The following CCBE1 variants were observed in gnomAD, a reference collection of about 807,000 sequenced individuals.
The protein encoded by CCBE1 is collagen and calcium binding EGF domains 1.
Under a neutral mutation model 50.0 loss-of-function variants are expected in CCBE1, and 37 were observed. The observed-to-expected ratio is 0.74, with a 90% CI of 0.57 to 0.97. The LOEUF (loss-of-function observed/expected upper bound fraction) is 0.97, where lower values mean the gene tolerates loss of function less well. CCBE1 is among the 50% of genes least tolerant of loss of function. The pLI is 0.00. For missense variants in CCBE1, 538 were observed against 523.8 expected (o/e 1.03, Z -0.26); for synonymous variants, 234 against 203.7 (o/e 1.15, Z -1.27).
At chr18:59,527,716 A>T (rs936301906) in intron 2 of CCBE1, among the ~76,000 whole-genome samples, 1 of 152,206 alleles carries the variant, frequency 6.6e-6, no homozygotes, top group African/African-American at 2.4e-5. Flanking sequence ...TATCTAAAAA[A>T]TACTTTATTT....
intron 2 of CCBE1, among the ~76,000 whole-genome samples, chr18:59,574,654 T>A (rs2052965787): frequency 6.6e-6 from 1 of 152,226 alleles, no homozygotes; most frequent in African/African-American, 2.4e-5. Context: ...GTAACTTTCA[T>A]GAAGCAGATT....
chr18:59,455,010 G>C, intron 5 of CCBE1, 59 bp from the exon 6 acceptor site: 1 of 1,379,806 alleles, frequency 7.2e-7, no homozygotes. Flanking sequence ...CAGACCCAGA[G>C]AGACAGCATC....
At chr18:59,680,727 A>G (rs1006637705) in intron 2 of CCBE1, among the ~76,000 whole-genome samples, 7 of 152,044 alleles carry the variant, frequency 4.6e-5, no homozygotes, top group Non-Finnish European at 8.8e-5. Context: ...AAAACAAAAC[A>G]AAACAAAACA....
intron 2 of CCBE1, among the ~76,000 whole-genome samples, chr18:59,613,865 T>TG (rs2053603399): frequency 5.1e-5 from 5 of 97,732 alleles, no homozygotes; most frequent in African/African-American, 3.2e-4. Context: ...TCTGATGGGT[T>TG]TTTTTTTTTT....
rs777317997 is a variant in CCBE1, at chr18:59,697,372, C to G, written c.-30G>C. 3.4e-5 allele frequency: 52 copies of G among 1,541,182 alleles called. No homozygotes were observed. The highest frequency in any genetic ancestry group is 4.0e-5 in the Non-Finnish European group (46 of 1,145,712). ...GAAGCTCCCGGCTTCTTCCCAGCGC[C>G]GAGCTCCGTCCGGACCAAGCGTCCT... is the stretch of plus-strand genomic sequence containing the variant. On this transcript the variant is annotated 5_prime_UTR_variant, in exon 1 of 11. Transcript: ENST00000439986.
At chr18:59,682,925 G>A (rs1568271654) in intron 2 of CCBE1, among the ~76,000 whole-genome samples, 2 of 152,058 alleles carry the variant, frequency 1.3e-5, no homozygotes, top group East Asian at 3.9e-4. Context: ...TTCTTCTTGT[G>A]CCCCCCCTTC....
Position 59,439,681 on chromosome 18 carries a change from G to A in CCBE1, c.911C>T (p.Pro304Leu). ...LSHIKQGRRG[P>L]VGPPGAPGRD... ...GATCTCTGATAAGATACTGACCACA[G>A]GGCCCCTCCGGCCTTGCTTAATGTG... Residue 304 changes from proline to leucine, a missense_variant, in exon 8 of 11, where the codon CCT (proline) becomes CTT (leucine). Coordinates refer to ENST00000439986, the MANE Select transcript of CCBE1 (RefSeq NM_133459.4). 1 of 1,614,226 alleles carries A rather than the reference G, an allele frequency of 6.2e-7. No individual in the cohort carries two copies.
At chr18:59,633,743 T>TA (rs1443060640) in intron 2 of CCBE1, among the ~76,000 whole-genome samples, 6 of 151,068 alleles carry the variant, frequency 4.0e-5, no homozygotes, top group African/African-American at 1.2e-4. Flanking sequence ...TTTTTTTTTT[T>TA]TAAAATAAAA....
intron 2 of CCBE1, among the ~76,000 whole-genome samples, chr18:59,591,441 T>G (rs895721907): frequency 6.6e-6 from 1 of 152,090 alleles, no homozygotes; most frequent in Admixed American, 6.6e-5. Flanking sequence ...TATCACAAAT[T>G]AAAGGCTGAT....
At chr18:59,695,463 C>T (rs1022371392) in intron 2 of CCBE1, among the ~76,000 whole-genome samples, 2 of 152,198 alleles carry the variant, frequency 1.3e-5, no homozygotes, top group African/African-American at 4.8e-5. Flanking sequence ...GGAGCCTTTC[C>T]TAAGCCCAAG....
chr18:59,608,379 T>TTA (rs1397061809), intron 2 of CCBE1, among the ~76,000 whole-genome samples: 1 of 152,174 alleles, frequency 6.6e-6, no homozygotes, highest in African/African-American at 2.4e-5. Flanking sequence ...ATGTCAGAGA[T>TTA]TATTTAAGAA....
At chr18:59,525,297 C>A (rs539685742) in intron 2 of CCBE1, among the ~76,000 whole-genome samples, 10 of 152,088 alleles carry the variant, frequency 6.6e-5, no homozygotes, top group Admixed American at 2.0e-4. Context: ...TATCTCATTG[C>A]GGTTTTGATT....
At chr18:59,614,101 G>A (rs941758192) in intron 2 of CCBE1, among the ~76,000 whole-genome samples, 17 of 152,074 alleles carry the variant, frequency 1.1e-4, no homozygotes, top group African/African-American at 3.9e-4. Context: ...TGCCTCGAAG[G>A]TTCAAGAGAT....
intron 2 of CCBE1, among the ~76,000 whole-genome samples, chr18:59,671,889 T>C (rs1380278640): frequency 6.6e-6 from 1 of 151,722 alleles, no homozygotes; most frequent in Non-Finnish European, 1.5e-5. Flanking sequence ...CTGGCTCTAG[T>C]GGCAATAACA....
At position 59,635,770 on chromosome 18, in the gene CCBE1, T is replaced by C. The variant is rs557592249; in HGVS notation, c.212+60859A>G. Among the ~76,000 whole-genome samples, 45 of 150,568 alleles carry C rather than the reference T, an allele frequency of 3.0e-4. 1 individual carries two copies. Among genetic ancestry groups the C allele is most frequent in the African/African-American group, 1.1e-3 (44 of 41,062 alleles). ...AAAAGCTCAAGATAGGAAAGTAAAA[T>C]AAAGGCAGCAGCTGCATAGAAAAAG... On this transcript the variant is annotated intron_variant, in intron 2 of 10. Coordinates refer to ENST00000439986, the MANE Select transcript of CCBE1 (RefSeq NM_133459.4).
chr18:59,606,105 G>A (rs1013439960), intron 2 of CCBE1, among the ~76,000 whole-genome samples: 1 of 152,160 alleles, frequency 6.6e-6, no homozygotes, highest in Non-Finnish European at 1.5e-5. Context: ...AACAAGTCAT[G>A]TTTTCTTAGT....
chr18:59,573,835 T>C (rs572638583), intron 2 of CCBE1, among the ~76,000 whole-genome samples: 2 of 152,338 alleles, frequency 1.3e-5, no homozygotes, highest in African/African-American at 4.8e-5. Flanking sequence ...GTATATTAAA[T>C]GATTCAGCTA....
chr18:59,599,356 T>C (rs183618001), intron 2 of CCBE1, among the ~76,000 whole-genome samples: 433 of 152,314 alleles, frequency 2.8e-3, no homozygotes, highest in African/African-American at 9.3e-3. Flanking sequence ...AAGCACTCAG[T>C]TGAGAAAACA....
At chr18:59,526,997 G>A (rs774936860) in intron 2 of CCBE1, among the ~76,000 whole-genome samples, 3 of 152,312 alleles carry the variant, frequency 2.0e-5, no homozygotes, top group African/African-American at 4.8e-5. Flanking sequence ...GTTATGGGGT[G>A]GAGAGTTCTG....
Sources: gnomAD v4.1 joint callset for allele counts (sites outside exome capture counted in the v4.1 genomes callset) on GRCh38, gnomAD v4.1.1 for gene constraint, MANE v1.5 for transcripts, NCBI Gene and HGNC (gene_info 2026-07-23, HGNC 2026-07-21) for gene names.